TNR: variants seen among roughly 807,000 people sequenced by gnomAD.
TNR encodes tenascin R.
A neutral mutation model predicts 150.4 loss-of-function variants in TNR; 45 were observed. The ratio of observed to expected loss-of-function variants is 0.30; its 90% CI spans 0.24 to 0.38. TNR has a LOEUF of 0.38. Ranked by LOEUF, TNR falls within the 10% of genes least tolerant of loss-of-function variation. TNR has a pLI of 1.00. For missense variants in TNR, 1,544 were observed against 1,759.1 expected (o/e 0.88, Z 2.19); for synonymous variants, 687 against 678.4 (o/e 1.01, Z -0.20).
intron 1 of TNR, among the ~76,000 whole-genome samples, chr1:175,659,268 G>A (rs182805044): frequency 8.5e-4 from 130 of 152,356 alleles, no homozygotes; most frequent in Middle Eastern, 3.4e-3. Context: ...GCTGAGGACA[G>A]GGGAAGACTA....
intron 2 of TNR, among the ~76,000 whole-genome samples, chr1:175,495,150 C>T (rs553025218): frequency 2.6e-4 from 39 of 152,242 alleles, no homozygotes; most frequent in African/African-American, 7.7e-4. Flanking sequence ...TGTGAAGAGA[C>T]GAGTTGTCCT....
At position 175,322,056 on chromosome 1, in the gene TNR, G is replaced by GA. The variant is rs1363155343; in HGVS notation, c.*1300dup. 1.3e-5 allele frequency: 2 copies of GA among 152,242 alleles called. No homozygotes were observed. The highest frequency in any genetic ancestry group is 2.9e-5 in the Non-Finnish European group (2 of 68,052). The allele number at this position is 152,242 out of a possible 1,614,324, so 9.4% of individuals were successfully genotyped here. On this transcript the variant is annotated 3_prime_UTR_variant, in exon 23 of 23. Coordinates refer to ENST00000367674, the MANE Select transcript of TNR (RefSeq NM_003285.3). ...AAAGAATCTGTGACAAATAGGACCA[G>GA]AAATGGAGAAAACAGGGCTAGGGAA...
At chr1:175,352,244 T>G (rs542262427) in intron 18 of TNR, among the ~76,000 whole-genome samples, 21 of 152,258 alleles carry the variant, frequency 1.4e-4, no homozygotes, top group South Asian at 1.0e-3. Context: ...TGAGGCACAT[T>G]GTCATACTGC....
intron 2 of TNR, among the ~76,000 whole-genome samples, chr1:175,519,636 C>A (rs1299647115): frequency 1.3e-5 from 2 of 152,194 alleles, no homozygotes; most frequent in African/African-American, 2.4e-5. Flanking sequence ...ATTGCAGTGG[C>A]TCCATTACAA....
chr1:175,424,563 G>T (rs935106045), intron 2 of TNR, among the ~76,000 whole-genome samples: 4 of 152,190 alleles, frequency 2.6e-5, no homozygotes, highest in Admixed American at 1.3e-4. Context: ...ATTAGAGAAA[G>T]TCCTGTGGGA....
At chr1:175,441,853 C>T (rs1655800922) in intron 2 of TNR, among the ~76,000 whole-genome samples, 2 of 152,110 alleles carry the variant, frequency 1.3e-5, no homozygotes, top group Admixed American at 1.3e-4. Context: ...TGAGGAAAGG[C>T]TTCTTAAAAA....
chr1:175,342,995 G>A (rs569673221), intron 18 of TNR, among the ~76,000 whole-genome samples: 18 of 152,242 alleles, frequency 1.2e-4, no homozygotes, highest in Admixed American at 7.8e-4. Context: ...GATTCAACAT[G>A]GCAAGGGAGG....
At chr1:175,436,133 G>A (rs1432790102) in intron 2 of TNR, among the ~76,000 whole-genome samples, 1 of 151,948 alleles carries the variant, frequency 6.6e-6, no homozygotes, top group Non-Finnish European at 1.5e-5. Context: ...TGCTCTTCTC[G>A]AGGAGTATCT....
intron 2 of TNR, among the ~76,000 whole-genome samples, chr1:175,479,761 C>T (rs1031893424): frequency 1.3e-5 from 2 of 152,076 alleles, no homozygotes; most frequent in African/African-American, 4.8e-5. Context: ...TATCATGTCC[C>T]TCTGATATGC....
At chr1:175,610,593 T>C (rs2101854643) in intron 1 of TNR, among the ~76,000 whole-genome samples, 1 of 152,310 alleles carries the variant, frequency 6.6e-6, no homozygotes, top group East Asian at 1.9e-4. Context: ...ATGGCAGACT[T>C]TCACCCCATC....
intron 2 of TNR, among the ~76,000 whole-genome samples, chr1:175,433,663 A>C (rs1034192927): frequency 5.9e-5 from 9 of 152,218 alleles, no homozygotes; most frequent in African/African-American, 2.2e-4. Flanking sequence ...AGAGGGCTTC[A>C]TCAAGCAGAC....
intron 8 of TNR, among the ~76,000 whole-genome samples, chr1:175,382,094 C>T (rs528510746): frequency 6.6e-5 from 10 of 152,290 alleles, no homozygotes; most frequent in African/African-American, 9.6e-5. Context: ...GCTTCTGTAC[C>T]GTTTATTTCG....
intron 1 of TNR, among the ~76,000 whole-genome samples, chr1:175,586,182 G>A (rs559337120): frequency 6.6e-6 from 1 of 152,322 alleles, no homozygotes. Flanking sequence ...TCATCTAAAA[G>A]AGGTTGATTT....
chr1:175,708,763 A>G (rs150821134), intron 1 of TNR, among the ~76,000 whole-genome samples: 109 of 152,332 alleles, frequency 7.2e-4, no homozygotes, highest in African/African-American at 2.2e-3. Context: ...TACAGCCACC[A>G]ACCAACCATT....
chr1:175,324,213 G>A (rs1251083946), intron 22 of TNR, 143 bp downstream of exon 22: 1 of 965,304 alleles, frequency 1.0e-6, no homozygotes, highest in Non-Finnish European at 1.5e-6. Flanking sequence ...TTATCCCATT[G>A]TCTGCATTAT....
rs561656572 is a variant in TNR at position 175,391,154 on chromosome 1, C to A, written c.1507+134G>T. The A allele has an allele frequency of 6.5e-6, 7 of 1,079,106 alleles. No individual in the cohort carries two copies. In the East Asian group the frequency reaches 1.7e-4, roughly 26 times the overall value. The allele number at this position is 1,079,106 out of a possible 1,614,324, so 66.8% of individuals were successfully genotyped here. ...GCATCTGGTAGAGTAGCTCCATTGC[C>A]AGGTACCAGAATTGTCCCAGCTCTA... On this transcript the variant is annotated intron_variant, in intron 7 of 22. Coordinates refer to ENST00000367674, the MANE Select transcript of TNR (RefSeq NM_003285.3).
In TNR at chr1:175,336,860, G is replaced by C. The variant is rs951379088; in HGVS notation, c.3534+668C>G. 2.0e-5 allele frequency among the ~76,000 whole-genome samples: 3 copies of C among 152,320 alleles called. No homozygotes were observed. The South Asian group carries it at 6.2e-4, about 32-fold the overall frequency. On this transcript the variant is annotated intron_variant, in intron 19 of 22. Transcript: ENST00000367674. ...CTGTGGTGGTGATCACCTCCTCATA[G>C]AGAAATAGTTTTCCTCAACTGCCTG...
intron 1 of TNR, among the ~76,000 whole-genome samples, chr1:175,689,214 C>G (rs1471340963): frequency 6.6e-6 from 1 of 152,194 alleles, no homozygotes; most frequent in Non-Finnish European, 1.5e-5. Flanking sequence ...TTGTCCTTCA[C>G]CAGGCCACTA....
chr1:175,514,685 A>G (rs1206432103), intron 2 of TNR, among the ~76,000 whole-genome samples: 1 of 152,270 alleles, frequency 6.6e-6, no homozygotes, highest in Admixed American at 6.5e-5. Context: ...GAATAGGACC[A>G]ACTAATGCCT....
Sources: gnomAD v4.1 joint callset for allele counts (sites outside exome capture counted in the v4.1 genomes callset) on GRCh38, gnomAD v4.1.1 for gene constraint, MANE v1.5 for transcripts, NCBI Gene and HGNC (gene_info 2026-07-23, HGNC 2026-07-21) for gene names.